The following APBB1 variants were observed in gnomAD, a reference collection of about 807,000 sequenced individuals.
APBB1 encodes adaptor protein FE65a2.
A neutral mutation model predicts 78.4 loss-of-function variants in APBB1; 22 were observed. The ratio of observed to expected loss-of-function variants is 0.28; its 90% CI spans 0.20 to 0.40. APBB1 has a LOEUF of 0.40. APBB1 is among the 10% of genes least tolerant of loss of function. The pLI is 1.00. For synonymous variants in APBB1, 369 were observed against 372.7 expected (o/e 0.99, Z 0.12); for missense variants, 749 against 932.4 (o/e 0.80, Z 2.56).
intron 12 of APBB1, among the ~76,000 whole-genome samples, chr11:6,397,975 C>A (rs1848319118): frequency 6.6e-6 from 1 of 152,154 alleles, no homozygotes; most frequent in Admixed American, 6.5e-5. Flanking sequence ...TAGGCCAGGG[C>A]AATTGGAAAT....
Position 6,403,081 on chromosome 11 carries a change from A to C in APBB1, c.1104+64T>G. 2 of 1,490,194 alleles carry C rather than the reference A, an allele frequency of 1.3e-6. No homozygotes were observed. The highest frequency in any genetic ancestry group is 1.3e-5 in the South Asian group (1 of 78,624). 92.3% of individuals were successfully genotyped at this position (1,490,194 alleles called of 1,614,324 possible). On this transcript the variant is annotated intron_variant, in intron 6 of 14. Coordinates refer to ENST00000609360, the MANE Select transcript of APBB1 (RefSeq NM_001164.5). The surrounding 1 kb of genome is among the most constrained non-coding windows in gnomAD (Gnocchi z 5.3). ...GCGCTGAGACCCCTCAGAGCACAAC[A>C]TTAGGGGCTGTCTGACAAATAAGAG...
In APBB1 at chr11:6,395,586, T is replaced by C; in HGVS notation, c.2081A>G (p.Gln694Arg). The change falls in exon 15 of 15, where the codon CAG (glutamine) becomes CGG (arginine). Residue 694 changes from glutamine (Q) to arginine (R), a missense_variant. Gln to Arg is a conservative substitution (Grantham distance 43). Transcript: ENST00000609360. The surrounding 1 kb of genome is among the most constrained non-coding windows in gnomAD (Gnocchi z 5.2). ...RVGWTVRRGV[Q>R]SLWGSLKPKR... ...GGGCTTCAGGGAGCCCCACAGCGAC[T>C]GAACACCCCTGCGGACAGTCCACCC... 1 of 1,582,076 alleles carries C rather than the reference T, an allele frequency of 6.3e-7. No homozygotes were observed. Among genetic ancestry groups the C allele is most frequent in the South Asian group, 1.1e-5 (1 of 87,892 alleles).
intron 2 of APBB1, chr11:6,404,041 G>A: frequency 2.2e-6 from 1 of 457,992 alleles, no homozygotes; most frequent in East Asian, 3.3e-5. Flanking sequence ...GGCCCTGTTG[G>A]TGGCTAATGT....
At chr11:6,406,169 C>T (rs559773861) in intron 2 of APBB1, among the ~76,000 whole-genome samples, 1 of 152,368 alleles carries the variant, frequency 6.6e-6, no homozygotes, top group African/African-American at 2.4e-5. Flanking sequence ...CACACACATG[C>T]ATTTATTCCA....
rs539968212 is a variant in APBB1 at position 6,417,747 on chromosome 11, G to T, written c.-15+1238C>A. ...TTAGGCAGTGGATGTGACAGAACTTGGTGAAATGAGATGCAGAGAGTGAGA... is the reference window on the plus strand; with the variant it reads ...TTAGGCAGTGGATGTGACAGAACTTTGTGAAATGAGATGCAGAGAGTGAGA... On this transcript the variant is annotated intron_variant, in intron 1 of 14. Coordinates refer to ENST00000609360, the MANE Select transcript of APBB1 (RefSeq NM_001164.5). Among the ~76,000 whole-genome samples, 56 of 152,348 alleles carry T rather than the reference G, an allele frequency of 3.7e-4. 1 individual carries two copies. In the South Asian group the frequency reaches 0.012, roughly 32 times the overall value.
chr11:6,410,614 C>T lies in APBB1; in HGVS notation c.721+13G>A, dbSNP rs771362814. ...CACCCTCCCACATGCCCATGTCAAG[C>T]TCCACAAGGTACCTGTGTCCTCTGG... On this transcript the variant is annotated intron_variant, in intron 2 of 14. Transcript: ENST00000609360. 5 of 1,510,778 alleles carry T rather than the reference C, an allele frequency of 3.3e-6. No individual in the cohort carries two copies. The highest frequency in any genetic ancestry group is 1.8e-6 in the Non-Finnish European group (2 of 1,130,320). 93.6% of individuals were successfully genotyped at this position (1,510,778 alleles called of 1,614,324 possible).
At chr11:6,418,818 T>C (rs1162883916) in intron 1 of APBB1, among the ~76,000 whole-genome samples, 167 bp downstream of exon 1, 2 of 151,842 alleles carry the variant, frequency 1.3e-5, no homozygotes, top group East Asian at 3.9e-4. Flanking sequence ...CGATGGTGGG[T>C]ATGAGAGGAC....
chr11:6,418,126 A>C (rs1849167215), intron 1 of APBB1, among the ~76,000 whole-genome samples: 1 of 152,226 alleles, frequency 6.6e-6, no homozygotes, highest in Non-Finnish European at 1.5e-5. Flanking sequence ...CCAGCATCTA[A>C]AGAGAGGAGG....
Position 6,411,820 on chromosome 11 carries a change from C to T in APBB1, c.-14-459G>A, listed in dbSNP as rs574592117. ...CAAGCCCCATCACTGTAAGCTCCTC[C>T]GGCTGTGTTCCTATTCCCATAAATC... On this transcript the variant is annotated intron_variant, in intron 1 of 14. Coordinates refer to ENST00000609360, the MANE Select transcript of APBB1 (RefSeq NM_001164.5). The surrounding 1 kb of genome is among the most constrained non-coding windows in gnomAD (Gnocchi z 5.2). Among the ~76,000 whole-genome samples the T allele has an allele frequency of 1.5e-4, 23 of 152,252 alleles. No individual in the cohort carries two copies. Among genetic ancestry groups the T allele is most frequent in the East Asian group, 9.7e-4 (5 of 5,172 alleles).
intron 2 of APBB1, among the ~76,000 whole-genome samples, chr11:6,409,303 G>C (rs1318365254): frequency 6.6e-6 from 1 of 151,914 alleles, no homozygotes; most frequent in Non-Finnish European, 1.5e-5. Context: ...TTGAACTCTT[G>C]GGCTCAAGCA....
chr11:6,400,876 G>A lies in APBB1; in HGVS notation c.1672+113C>T, dbSNP rs573624951. Reference sequence around the variant, plus strand: ...GAGGTGGGATGCATTTTAAAGGGTAGGGAGACACCAAGCATGAGGAAGGTC... The same window carrying A: ...GAGGTGGGATGCATTTTAAAGGGTAAGGAGACACCAAGCATGAGGAAGGTC... On this transcript the variant is annotated intron_variant, in intron 12 of 14. Transcript: ENST00000609360. 6.1e-5 allele frequency: 60 copies of A among 979,516 alleles called. No individual in the cohort carries two copies. In the South Asian group the frequency reaches 7.7e-4, roughly 13 times the overall value. 60.7% of individuals were successfully genotyped at this position (979,516 alleles called of 1,614,324 possible). A position where few individuals can be genotyped will look rare whatever the true frequency, so the allele number is the denominator to read the frequency against.
Position 6,396,088 on chromosome 11 carries a change from C to T in APBB1, c.1788+12G>A. 6.3e-7 allele frequency: 1 copy of T among 1,578,828 alleles called. No homozygotes were observed. The highest frequency in any genetic ancestry group is 8.6e-7 in the Non-Finnish European group (1 of 1,162,784). On this transcript the variant is annotated intron_variant, in intron 13 of 14. Transcript: ENST00000609360. The stretch of plus-strand genomic sequence containing the variant: ...GCAAGGCGCAGCCACGACTTCTACC[C>T]CAGCTCTTTACCTGCTGGTGCAAGA...
chr11:6,410,810 G>C lies in APBB1; in HGVS notation c.538C>G (p.Pro180Ala), dbSNP rs752621628. ...GCCTCCACACTCTCCAGGGGCTCAG[G>C]CAGCCCTGGGGGAGAAGATAAGTCC... Reference protein sequence around the residue: ...EEDLSSPPGLPEPLESVEAPP... With the variant: ...EEDLSSPPGLAEPLESVEAPP... The change falls in exon 2 of 15, where the codon CCT becomes GCT. Residue 180 changes from proline to alanine, a missense_variant. By Grantham distance (27) the Pro-to-Ala change is conservative. This residue lies in a region of APBB1 where 635 missense variants were observed against 765.0 expected (regional missense o/e 0.83). Coordinates refer to ENST00000609360, the MANE Select transcript of APBB1 (RefSeq NM_001164.5). The C allele has an allele frequency of 3.1e-6, 5 of 1,613,462 alleles. No individual in the cohort carries two copies. The South Asian group carries it at 5.5e-5, about 18-fold the overall frequency.
chr11:6,410,525 TG>T, intron 2 of APBB1, 101 bp downstream of exon 2: 1 of 1,059,880 alleles, frequency 9.4e-7, no homozygotes, highest in Non-Finnish European at 1.3e-6. Context: ...CCTCAGGGTA[TG>T]GGCTCTCAGC....
Position 6,401,382 on chromosome 11 carries a change from G to C in APBB1, c.1551C>G (p.Ser517=). 1 of 1,614,112 alleles carries C rather than the reference G, an allele frequency of 6.2e-7. No homozygotes were observed. ...CATCCACAAGTTTAGAGTGGTCCAG[G>C]GAGAGTCCATTTACCAAGCAGCGGG... ...RNARCLVNGL[S]LDHSKLVDVP... Residue 517 remains serine, a synonymous_variant, in exon 11 of 15, where the codon TCC becomes TCG. Coordinates refer to ENST00000609360, the MANE Select transcript of APBB1 (RefSeq NM_001164.5). This position sits in a 1 kb window ranked among gnomAD's most constrained non-coding sequence, Gnocchi z 4.5.
In APBB1 at chr11:6,395,514, G is replaced by A. The variant is rs1384762005; in HGVS notation, c.*20C>T. ...CCCTGGGGCCCAACACAAGCAGGTG[G>A]AGGGAAGGTGGGGGCTTCTTCATGG... On this transcript the variant is annotated 3_prime_UTR_variant, in exon 15 of 15. Transcript: ENST00000609360. The surrounding 1 kb of genome is among the most constrained non-coding windows in gnomAD (Gnocchi z 5.2). 1 of 1,526,598 alleles carries A rather than the reference G, an allele frequency of 6.6e-7. No individual in the cohort carries two copies. Among genetic ancestry groups the A allele is most frequent in the Non-Finnish European group, 8.8e-7 (1 of 1,138,040 alleles). 94.6% of individuals were successfully genotyped at this position (1,526,598 alleles called of 1,614,324 possible). A position where few individuals can be genotyped will look rare whatever the true frequency, so the allele number is the denominator to read the frequency against.
At chr11:6,417,711 T>C (rs547533551) in intron 1 of APBB1, among the ~76,000 whole-genome samples, 2 of 152,292 alleles carry the variant, frequency 1.3e-5, no homozygotes, top group South Asian at 2.1e-4. Context: ...ATGAATGGAT[T>C]TGAGAAATAT....
Position 6,402,608 on chromosome 11 carries a change from G to T in APBB1, c.1222C>A (p.Leu408Met). ...CAGCCCCCAGACATGGGGTCATGCA[G>T]GTTGTTTTTGTGGTAAGAGAGCTGA... The part of the protein sequence containing the change: ...IRQLSYHKNN[L>M]HDPMSGGWGE... The change falls in exon 7 of 15, where the codon CTG becomes ATG. Residue 408 changes from leucine to methionine, a missense_variant. Physicochemically the swap from Leu to Met is conservative, Grantham distance 15. Transcript: ENST00000609360. The T allele has an allele frequency of 1.2e-6, 2 of 1,614,104 alleles. No homozygotes were observed. The highest frequency in any genetic ancestry group is 1.7e-6 in the Non-Finnish European group (2 of 1,180,028).
At position 6,400,972 on chromosome 11, in the gene APBB1, TAGA is replaced by T; in HGVS notation, c.1672+14_1672+16del. On this transcript the variant is annotated intron_variant, in intron 12 of 14. Transcript: ENST00000609360. ...GGATCAAGGTAGCAGCCCCTGGGTA[TAGA>T]AGGACACACATACCAACAGGTTTAG... is the stretch of plus-strand genomic sequence containing the variant. The T allele has an allele frequency of 1.2e-6, 2 of 1,611,776 alleles. No homozygotes were observed. Among genetic ancestry groups the T allele is most frequent in the Non-Finnish European group, 1.7e-6 (2 of 1,177,884 alleles).
Sources: allele counts gnomAD v4.1 joint callset (sites outside exome capture counted in the v4.1 genomes callset), GRCh38; gene constraint gnomAD v4.1.1; regional missense constraint gnomAD v4.1.1; non-coding constraint Gnocchi (gnomAD v3.1); transcripts MANE v1.5; gene names NCBI Gene and HGNC (gene_info 2026-07-23, HGNC 2026-07-21).